The following PCDHGB6 variants were observed in gnomAD, a reference collection of about 807,000 sequenced individuals.
PCDHGB6 encodes the protein protocadherin gamma-B6.
In PCDHGB6, 51 loss-of-function variants were observed where a neutral mutation model predicts 59.1. That is an observed-to-expected ratio of 0.86 (90% CI 0.69 to 1.09). PCDHGB6 has a LOEUF of 1.09. Ranked by LOEUF, PCDHGB6 falls within the 50% of genes least tolerant of loss-of-function variation. PCDHGB6 has a pLI of 0.00. For synonymous variants in PCDHGB6, 466 were observed against 495.1 expected, an observed-to-expected ratio of 0.94 and a Z score of 0.78; for missense variants, 1,148 against 1,205.1, an observed-to-expected ratio of 0.95 and a Z score of 0.70.
intron 2 of PCDHGB6, among the ~76,000 whole-genome samples, chr5:141,496,500 C>T (rs1350421492): frequency 6.6e-6 from 1 of 152,162 alleles, no homozygotes; most frequent in Non-Finnish European, 1.5e-5. Flanking sequence ...ACCCTTGTTG[C>T]CACAAGGACC....
In PCDHGB6 at chr5:141,408,201, C is replaced by A; in HGVS notation, c.-2C>A. On this transcript the variant is annotated 5_prime_UTR_variant, in exon 1 of 4. Coordinates refer to ENST00000520790, the MANE Select transcript of PCDHGB6 (RefSeq NM_018926.3). ...GGGACCCAGCGAGAACCCGAGCGAA[C>A]GATGGGAGGGAGCTGCGCGCAGAGG... 1 of 1,549,032 alleles carries A rather than the reference C, an allele frequency of 6.5e-7. No homozygotes were observed. Among genetic ancestry groups the A allele is most frequent in the Non-Finnish European group, 8.7e-7 (1 of 1,145,258 alleles).
rs777668071 is a variant in PCDHGB6 at position 141,491,848 on chromosome 5, C to G, written c.2419-2959C>G. The G allele has an allele frequency of 3.4e-6, 5 of 1,461,482 alleles. No homozygotes were observed. The highest frequency in any genetic ancestry group is 4.5e-6 in the Non-Finnish European group (5 of 1,104,578). 90.5% of individuals were successfully genotyped at this position (1,461,482 alleles called of 1,614,324 possible). A position where few individuals can be genotyped will look rare whatever the true frequency, so the allele number is the denominator to read the frequency against. ...CACCCGATTCTCGGGATCATTGGAC[C>G]GTTTGCGCGAAACCAGAGTGGCCGA... On this transcript the variant is annotated intron_variant, in intron 1 of 3. Transcript: ENST00000520790. The surrounding 1 kb of genome is among the most constrained non-coding windows in gnomAD (Gnocchi z 6.9).
intron 1 of PCDHGB6, among the ~76,000 whole-genome samples, chr5:141,480,959 C>A (rs1476891394): frequency 1.3e-5 from 2 of 152,086 alleles, no homozygotes; most frequent in East Asian, 3.8e-4. Flanking sequence ...GCGGAAGCAT[C>A]AGTGAGGGAG....
At chr5:141,492,606 C>G (rs1019615566) in intron 1 of PCDHGB6, among the ~76,000 whole-genome samples, 3 of 152,232 alleles carry the variant, frequency 2.0e-5, no homozygotes, top group African/African-American at 7.2e-5. Flanking sequence ...GACTGCCGCT[C>G]TAAGTGCCGG....
intron 1 of PCDHGB6, among the ~76,000 whole-genome samples, chr5:141,465,348 A>C (rs886810999): frequency 6.6e-6 from 1 of 152,158 alleles, no homozygotes; most frequent in African/African-American, 2.4e-5. Context: ...GTTACTGAAG[A>C]AAAAATGGGT....
At chr5:141,497,461 A>G (rs541848982) in intron 2 of PCDHGB6, among the ~76,000 whole-genome samples, 2 of 151,526 alleles carry the variant, frequency 1.3e-5, no homozygotes, top group Admixed American at 1.3e-4. Context: ...GCTCTTGGAG[A>G]TATGGAGGAG....
chr5:141,478,326 C>T, intron 1 of PCDHGB6: 1 of 1,613,950 alleles, frequency 6.2e-7, no homozygotes, highest in Admixed American at 1.7e-5. Flanking sequence ...CTGTACCGAA[C>T]ACCAGGGCCC....
intron 1 of PCDHGB6, chr5:141,421,453 T>G: frequency 1.2e-6 from 2 of 1,614,102 alleles, no homozygotes; most frequent in Middle Eastern, 1.6e-4. Context: ...GACACAGCTT[T>G]TCGCTGTGAA....
At chr5:141,510,816 A>G (rs1478938067) in intron 3 of PCDHGB6, 131 bp from the exon 4 acceptor site, 2 of 1,547,282 alleles carry the variant, frequency 1.3e-6, no homozygotes, top group Non-Finnish European at 1.8e-6. Context: ...GGTGACCCCT[A>G]TATTCCCAGT....
intron 1 of PCDHGB6, chr5:141,421,393 G>A: frequency 6.2e-7 from 1 of 1,614,038 alleles, no homozygotes; most frequent in Non-Finnish European, 8.5e-7. Flanking sequence ...CCTGGGGCTG[G>A]AGCCCCGGGA....
chr5:141,486,653 C>G lies in PCDHGB6; in HGVS notation c.2419-8154C>G. On this transcript the variant is annotated intron_variant, in intron 1 of 3. Transcript: ENST00000520790. This position sits in a 1 kb window ranked among gnomAD's most constrained non-coding sequence, Gnocchi z 5.0. ...CTTGAATGCGCTTATCTCCTACTCA[C>G]TCCTGGAGCCCAGGAATCGAGATGT... is the stretch of plus-strand genomic sequence containing the variant. 1 of 1,613,968 alleles carries G rather than the reference C, an allele frequency of 6.2e-7. No individual in the cohort carries two copies. Among genetic ancestry groups the G allele is most frequent in the Non-Finnish European group, 8.5e-7 (1 of 1,180,034 alleles).
chr5:141,415,522 C>T, intron 1 of PCDHGB6: 1 of 1,614,178 alleles, frequency 6.2e-7, no homozygotes, highest in African/African-American at 1.3e-5. Flanking sequence ...TGCGGACACG[C>T]TCATCAGCCA....
chr5:141,502,039 G>T (rs2099812498), intron 2 of PCDHGB6, among the ~76,000 whole-genome samples: 1 of 152,126 alleles, frequency 6.6e-6, no homozygotes, highest in South Asian at 2.1e-4. Context: ...CCGCTTGCCT[G>T]CTCTCCCTAC....
At chr5:141,442,111 C>G (rs1265830634) in intron 1 of PCDHGB6, 1 of 166,236 alleles carries the variant, frequency 6.0e-6, no homozygotes, top group Non-Finnish European at 1.3e-5. Context: ...CACTACCGCC[C>G]CTCGTCGCCG....
chr5:141,475,984 G>A, intron 1 of PCDHGB6: 2 of 1,069,308 alleles, frequency 1.9e-6, no homozygotes, highest in Non-Finnish European at 2.7e-6. Flanking sequence ...AACAGCCGGC[G>A]AGCAAATCAA....
chr5:141,431,068 A>G lies in PCDHGB6; in HGVS notation c.2418+20448A>G. 2 of 1,614,218 alleles carry G rather than the reference A, an allele frequency of 1.2e-6. No individual in the cohort carries two copies. Among genetic ancestry groups the G allele is most frequent in the South Asian group, 1.1e-5 (1 of 91,088 alleles). On this transcript the variant is annotated intron_variant, in intron 1 of 3. Coordinates refer to ENST00000520790, the MANE Select transcript of PCDHGB6 (RefSeq NM_018926.3). The surrounding 1 kb of genome is among the most constrained non-coding windows in gnomAD (Gnocchi z 4.8). ...TCTGTATGGGGGCCATCAAGTGTCA[A>G]TTAAATCTAGACATTCTGATGGAGG...
At chr5:141,433,097 G>A (rs777101945) in intron 1 of PCDHGB6, 11 of 1,614,044 alleles carry the variant, frequency 6.8e-6, no homozygotes, top group Admixed American at 3.3e-5. Flanking sequence ...AGACATGCTC[G>A]TCAGCCAGGA....
rs1444171664 is a variant in PCDHGB6, at chr5:141,477,015, T to G, written c.2419-17792T>G. The G allele has an allele frequency of 1.2e-6, 2 of 1,614,210 alleles. No homozygotes were observed. Among genetic ancestry groups the G allele is most frequent in the Non-Finnish European group, 1.7e-6 (2 of 1,180,038 alleles). On this transcript the variant is annotated intron_variant, in intron 1 of 3. Coordinates refer to ENST00000520790, the MANE Select transcript of PCDHGB6 (RefSeq NM_018926.3). This position sits in a 1 kb window ranked among gnomAD's most constrained non-coding sequence, Gnocchi z 4.9. ...CGGCAACTATTCGCCTTAGACCTTG[T>G]AACCGGGATGCTGACAATCAAGGGT...
At chr5:141,458,485 A>G (rs2098946793) in intron 1 of PCDHGB6, among the ~76,000 whole-genome samples, 1 of 151,558 alleles carries the variant, frequency 6.6e-6, no homozygotes, top group Non-Finnish European at 1.5e-5. Context: ...GAAAATGAGG[A>G]CTGCCTGTAC....
Sources: gnomAD v4.1 joint callset for allele counts (sites outside exome capture counted in the v4.1 genomes callset) on GRCh38, gnomAD v4.1.1 for gene constraint, Gnocchi (gnomAD v3.1) non-coding constraint, MANE v1.5 for transcripts, NCBI Gene and HGNC (gene_info 2026-07-23, HGNC 2026-07-21) for gene names.